The following DNM3 variants were observed in gnomAD, a reference collection of about 807,000 sequenced individuals.
DNM3 encodes the protein dynamin-3.
Under a neutral mutation model 101.6 loss-of-function variants are expected in DNM3, and 47 were observed. That is an observed-to-expected ratio of 0.46 (90% CI 0.37 to 0.59). DNM3 has a LOEUF of 0.59. Among genes scored for constraint, DNM3 ranks in the 20% least tolerant of loss-of-function variants. DNM3 has a pLI of 0.00. For synonymous variants in DNM3, 385 were observed against 387.9 expected, an observed-to-expected ratio of 0.99 and a Z score of 0.09; for missense variants, 849 against 1,085.7, an observed-to-expected ratio of 0.78 and a Z score of 3.06.
At chr1:172,279,515 T>C (rs149736433) in intron 15 of DNM3, among the ~76,000 whole-genome samples, 1 of 152,268 alleles carries the variant, frequency 6.6e-6, no homozygotes, top group African/African-American at 2.4e-5. Context: ...ATCTATATGC[T>C]GTTGACCCTA....
intron 14 of DNM3, among the ~76,000 whole-genome samples, chr1:172,231,834 A>G (rs2061347834): frequency 1.3e-5 from 2 of 152,234 alleles, no homozygotes; most frequent in Non-Finnish European, 2.9e-5. Context: ...AATGGAAGAA[A>G]GGGTATCAGT....
At chr1:172,229,713 T>G (rs2061261678) in intron 14 of DNM3, among the ~76,000 whole-genome samples, 1 of 152,114 alleles carries the variant, frequency 6.6e-6, no homozygotes, top group Non-Finnish European at 1.5e-5. Context: ...ATGTATATTA[T>G]AATAACATAG....
intron 17 of DNM3, chr1:172,376,523 A>C (rs2068610790): frequency 6.6e-6 from 1 of 152,076 alleles, no homozygotes; most frequent in African/African-American, 2.4e-5. Flanking sequence ...GGGTTAGAGA[A>C]AAGGAAGTGT....
At chr1:172,165,229 G>A (rs1281642750) in intron 14 of DNM3, among the ~76,000 whole-genome samples, 1 of 151,950 alleles carries the variant, frequency 6.6e-6, no homozygotes. Context: ...CAATGCTTTG[G>A]TAAGTCTAAA....
At chr1:172,149,126 A>T (rs1465634630) in intron 14 of DNM3, among the ~76,000 whole-genome samples, 1 of 152,204 alleles carries the variant, frequency 6.6e-6, no homozygotes. Flanking sequence ...AATTGATTTT[A>T]AAACGTACAT....
chr1:171,976,177 A>G (rs1391285068), intron 2 of DNM3, among the ~76,000 whole-genome samples: 1 of 152,238 alleles, frequency 6.6e-6, no homozygotes, highest in Non-Finnish European at 1.5e-5. Flanking sequence ...AGATATTTAC[A>G]TGCAAAAAAT....
At chr1:172,214,026 A>G (rs2060606648) in intron 14 of DNM3, among the ~76,000 whole-genome samples, 1 of 152,106 alleles carries the variant, frequency 6.6e-6, no homozygotes, top group African/African-American at 2.4e-5. Flanking sequence ...GCCTTCCTTC[A>G]TACTGTGTAA....
chr1:172,236,151 A>G (rs1390193318), intron 14 of DNM3, among the ~76,000 whole-genome samples: 2 of 152,166 alleles, frequency 1.3e-5, no homozygotes, highest in Non-Finnish European at 2.9e-5. Flanking sequence ...TAAATTACTT[A>G]GAAGGATCTC....
chr1:172,265,569 T>C (rs1414623570), intron 15 of DNM3, among the ~76,000 whole-genome samples: 2 of 152,190 alleles, frequency 1.3e-5, no homozygotes, highest in Non-Finnish European at 2.9e-5. Context: ...AATTATAAAC[T>C]GAAAGTTAAA....
chr1:172,045,032 G>A (rs918873902), intron 9 of DNM3, among the ~76,000 whole-genome samples: 2 of 152,096 alleles, frequency 1.3e-5, no homozygotes, highest in African/African-American at 2.4e-5. Flanking sequence ...AGGGCTTTCC[G>A]GTGGAAGGGG....
At chr1:172,353,299 A>G (rs1397423220) in intron 17 of DNM3, among the ~76,000 whole-genome samples, 1 of 152,126 alleles carries the variant, frequency 6.6e-6, no homozygotes, top group Non-Finnish European at 1.5e-5. Context: ...TTTATAATCA[A>G]ATTTGTCATC....
At chr1:171,923,302 T>C (rs574436566) in intron 2 of DNM3, among the ~76,000 whole-genome samples, 5 of 152,354 alleles carry the variant, frequency 3.3e-5, no homozygotes, top group African/African-American at 1.2e-4. Context: ...AATGATCATT[T>C]GTATATATTA....
chr1:171,998,546 T>C (rs2046156456), intron 4 of DNM3, among the ~76,000 whole-genome samples: 1 of 152,150 alleles, frequency 6.6e-6, no homozygotes. Context: ...TCACTTACTA[T>C]GTGTCAAGTA....
chr1:172,175,176 T>C (rs952382065), intron 14 of DNM3, among the ~76,000 whole-genome samples: 9 of 151,782 alleles, frequency 5.9e-5, no homozygotes, highest in Non-Finnish European at 1.0e-4. Flanking sequence ...GAGATGAGTA[T>C]GACTGGATCA....
At position 172,198,046 on chromosome 1, in the gene DNM3, G is replaced by C. The variant is rs116831944; in HGVS notation, c.1660-55527G>C. ...TCAGTAAAATGTTAGCTGTGGGTTT[G>C]TCACAAATGGCTTTTATTGTTTTGA... On this transcript the variant is annotated intron_variant, in intron 14 of 20. Transcript: ENST00000627582. Among the ~76,000 whole-genome samples, 1,473 of 152,182 alleles carry C rather than the reference G, an allele frequency of 9.7e-3. 26 individuals carry two copies. The highest frequency in any genetic ancestry group is 0.034 in the African/African-American group (1,404 of 41,508).
intron 2 of DNM3, among the ~76,000 whole-genome samples, chr1:171,955,987 C>T (rs866980329): frequency 7.9e-5 from 12 of 152,078 alleles, no homozygotes; most frequent in East Asian, 3.9e-4. Context: ...GAGAAAGATC[C>T]GCCCCCATAA....
intron 20 of DNM3, among the ~76,000 whole-genome samples, chr1:172,403,460 A>G (rs2070656432): frequency 6.6e-6 from 1 of 152,182 alleles, no homozygotes; most frequent in Non-Finnish European, 1.5e-5. Context: ...AAAGAAGAGC[A>G]GATGAAATTT....
chr1:172,270,867 T>C (rs1557910552), intron 15 of DNM3, among the ~76,000 whole-genome samples: 1 of 152,196 alleles, frequency 6.6e-6, no homozygotes, highest in Non-Finnish European at 1.5e-5. Context: ...AAAAATGCAG[T>C]TGCAGAGAGT....
chr1:171,900,291 A>G (rs1251057308), intron 1 of DNM3, among the ~76,000 whole-genome samples: 2 of 152,152 alleles, frequency 1.3e-5, no homozygotes, highest in Non-Finnish European at 2.9e-5. Context: ...TCTGGGGCTC[A>G]GAAGAGAGAT....
Sources: gnomAD v4.1 joint callset for allele counts (sites outside exome capture counted in the v4.1 genomes callset) on GRCh38, gnomAD v4.1.1 for gene constraint, MANE v1.5 for transcripts, NCBI Gene and HGNC (gene_info 2026-07-23, HGNC 2026-07-21) for gene names.